Variants in ERC2 observed in about 807,000 individuals in gnomAD.
The protein encoded by ERC2 is ERC protein 2.
A neutral mutation model predicts 114.8 loss-of-function variants in ERC2; 42 were observed. That is an observed-to-expected ratio of 0.37 (90% CI 0.29 to 0.47). The LOEUF (loss-of-function observed/expected upper bound fraction) is 0.47. Among genes scored for constraint, ERC2 ranks in the 20% least tolerant of loss-of-function variants. The probability of loss-of-function intolerance (pLI) is 0.99; values close to 1 mark genes in which losing one functional copy is unlikely to be tolerated. For missense variants in ERC2, 939 were observed against 1,150.7 expected (o/e 0.82, Z 2.66); for synonymous variants, 454 against 425.5 (o/e 1.07, Z -0.82).
chr3:56,072,172 G>A (rs1560124831), intron 7 of ERC2: 2 of 158,944 alleles, frequency 1.3e-5, no homozygotes, highest in East Asian at 3.9e-4. Flanking sequence ...CGGCTGATCT[G>A]GCTGGTAGGC....
chr3:55,635,306 G>T (rs756467403), intron 17 of ERC2, among the ~76,000 whole-genome samples: 14 of 152,154 alleles, frequency 9.2e-5, no homozygotes, highest in Admixed American at 7.9e-4. Flanking sequence ...GTTGGAACAG[G>T]AAATGCTTCC....
intron 14 of ERC2, among the ~76,000 whole-genome samples, chr3:55,800,813 T>C (rs187645285): frequency 2.0e-4 from 31 of 152,306 alleles, no homozygotes; most frequent in African/African-American, 7.2e-4. Context: ...GTTGAGCTAA[T>C]AGCAGGAGAT....
At chr3:56,296,461 G>T (rs1560541999) in intron 2 of ERC2, 26 bp from the exon 3 acceptor site, 1 of 1,573,626 alleles carries the variant, frequency 6.4e-7, no homozygotes, top group South Asian at 1.2e-5. Flanking sequence ...TGGAGCGGGA[G>T]AGGAGAAAGA....
In ERC2 at chr3:56,018,922, G is replaced by A. The variant is rs201400364; in HGVS notation, c.1751C>T (p.Ala584Val). 43 of 1,612,788 alleles carry A rather than the reference G, an allele frequency of 2.7e-5. No individual in the cohort carries two copies. The highest frequency in any genetic ancestry group is 1.6e-4 in the East Asian group (7 of 44,818). ...CTCTGACAGAGCTTCCTCTAGCGTCGCCAGTGCAGTATCTGTATTACTGGA... is the reference window on the plus strand; with the variant it reads ...CTCTGACAGAGCTTCCTCTAGCGTCACCAGTGCAGTATCTGTATTACTGGA... ...TDSSNTDTAL[A>V]TLEEALSEKE... Residue 584 changes from alanine (A) to valine (V), a missense_variant, in exon 8 of 18, where the codon GCG becomes GTG. Around this residue, in one of 5 missense-constraint regions of ERC2, gnomAD observed 149 missense variants for 254.6 expected, o/e 0.59. Coordinates refer to ENST00000288221, the MANE Select transcript of ERC2 (RefSeq NM_015576.3).
intron 4 of ERC2, among the ~76,000 whole-genome samples, chr3:56,170,860 G>T (rs1279182009): frequency 1.3e-5 from 2 of 150,732 alleles, no homozygotes; most frequent in Non-Finnish European, 2.9e-5. Context: ...CGCCTCCTGG[G>T]TTCACCCCAT....
At chr3:56,435,482 C>T (rs1352356757) in intron 1 of ERC2, among the ~76,000 whole-genome samples, 1 of 152,158 alleles carries the variant, frequency 6.6e-6, no homozygotes, top group African/African-American at 2.4e-5. Context: ...TAGAAAATTC[C>T]CCATGGAATT....
chr3:55,743,484 C>T (rs2066098561), intron 14 of ERC2, among the ~76,000 whole-genome samples: 1 of 151,236 alleles, frequency 6.6e-6, no homozygotes, highest in South Asian at 2.1e-4. Context: ...TGAATCCTGT[C>T]CTTCTAGAGA....
chr3:56,435,953 C>T (rs979872717), intron 1 of ERC2, among the ~76,000 whole-genome samples: 1 of 152,074 alleles, frequency 6.6e-6, no homozygotes, highest in South Asian at 2.1e-4. Flanking sequence ...TCATATTAAC[C>T]ACTTCATGTC....
intron 17 of ERC2, among the ~76,000 whole-genome samples, chr3:55,675,919 T>C (rs1553625034): frequency 4.4e-5 from 5 of 114,234 alleles, no homozygotes; most frequent in Non-Finnish European, 9.2e-5. Context: ...TTTTTTTTTT[T>C]TTTTTTTTTT....
At chr3:55,583,342 T>TCTGCCTGCCTGC (rs560504811) in intron 17 of ERC2, among the ~76,000 whole-genome samples, 7 of 148,930 alleles carry the variant, frequency 4.7e-5, no homozygotes, top group South Asian at 2.1e-4. Flanking sequence ...TGCCTGCCTG[T>TCTGCCTGCCTGC]CTGCCTGCCT....
Position 55,603,979 on chromosome 3 carries a change from C to T in ERC2, c.*39+79815G>A, listed in dbSNP as rs58300985. 7.0e-3 allele frequency among the ~76,000 whole-genome samples: 1,072 copies of T among 152,278 alleles called. 8 individuals carry two copies. Among genetic ancestry groups the T allele is most frequent in the African/African-American group, 0.023 (976 of 41,568 alleles). ...GTGCAAAACAGATGATTTCACCCCC[C>T]CCAGCATGTCTCTCCGGCCACGTTT... is the stretch of plus-strand genomic sequence containing the variant. On this transcript the variant is annotated intron_variant, in intron 17 of 17. Coordinates refer to ENST00000288221, the MANE Select transcript of ERC2 (RefSeq NM_015576.3).
chr3:55,597,997 C>T (rs2058228923), intron 17 of ERC2, among the ~76,000 whole-genome samples: 2 of 152,350 alleles, frequency 1.3e-5, no homozygotes, highest in South Asian at 4.1e-4. Context: ...CGCCTGCTTA[C>T]AGCCACATCT....
At position 56,119,626 on chromosome 3, in the gene ERC2, A is replaced by T. The variant is rs575268753; in HGVS notation, c.1473+19883T>A. On this transcript the variant is annotated intron_variant, in intron 6 of 17. Transcript: ENST00000288221. ...TGATTAATATCTTTCTCTTCCAGAG[A>T]TGGAAAACTCCAGGAACACTGGAGC... 1.4e-3 allele frequency among the ~76,000 whole-genome samples: 213 copies of T among 152,312 alleles called. 2 individuals carry two copies. The highest frequency in any genetic ancestry group is 5.0e-3 in the African/African-American group (208 of 41,572).
intron 7 of ERC2, among the ~76,000 whole-genome samples, chr3:56,029,669 G>A (rs2074260266): frequency 6.6e-6 from 1 of 151,868 alleles, no homozygotes; most frequent in South Asian, 2.1e-4. Flanking sequence ...GAACTGTAAT[G>A]ATAGCTTCTG....
intron 13 of ERC2, among the ~76,000 whole-genome samples, chr3:55,929,904 C>A (rs922528638): frequency 6.6e-6 from 1 of 152,154 alleles, no homozygotes; most frequent in Admixed American, 6.5e-5. Context: ...TCCTGTACAG[C>A]CTGTGGAACT....
At chr3:55,845,338 G>A (rs1559752433) in intron 14 of ERC2, among the ~76,000 whole-genome samples, 1 of 151,846 alleles carries the variant, frequency 6.6e-6, no homozygotes, top group Non-Finnish European at 1.5e-5. Flanking sequence ...CCCCGTCTCT[G>A]CTAATAATAC....
At chr3:55,558,828 A>G (rs1394931193) in intron 17 of ERC2, among the ~76,000 whole-genome samples, 1 of 152,208 alleles carries the variant, frequency 6.6e-6, no homozygotes, top group Non-Finnish European at 1.5e-5. Context: ...TATGTTATAG[A>G]TCTAGGGGTA....
chr3:56,173,331 C>A (rs2082783579), intron 4 of ERC2, 115 bp downstream of exon 4: 1 of 959,682 alleles, frequency 1.0e-6, no homozygotes, highest in Non-Finnish European at 1.6e-6. Flanking sequence ...GTAAAGCATC[C>A]AGCAGGGTGC....
At chr3:55,732,797 A>G (rs147190915) in intron 15 of ERC2, among the ~76,000 whole-genome samples, 2 of 152,352 alleles carry the variant, frequency 1.3e-5, no homozygotes, top group Non-Finnish European at 2.9e-5. Flanking sequence ...AAAGTCTGGA[A>G]CCATTGGTAT....
Sources: allele counts gnomAD v4.1 joint callset (sites outside exome capture counted in the v4.1 genomes callset), GRCh38; gene constraint gnomAD v4.1.1; regional missense constraint gnomAD v4.1.1; transcripts MANE v1.5; gene names NCBI Gene and HGNC (gene_info 2026-07-23, HGNC 2026-07-21).